Variants in PCDH15 observed in about 807,000 individuals in gnomAD.
The protein encoded by PCDH15 is protocadherin-15.
PCDH15 carries 129 observed loss-of-function variants against 178.5 expected under a neutral mutation model. The observed-to-expected ratio is 0.72, with a 90% CI of 0.63 to 0.84. The LOEUF is 0.84. Among genes scored for constraint, PCDH15 ranks in the 40% least tolerant of loss-of-function variants. PCDH15 has a pLI of 0.00. For synonymous variants in PCDH15, 800 were observed against 732.0 expected, an observed-to-expected ratio of 1.09 and a Z score of -1.50; for missense variants, 2,230 against 2,099.9, an observed-to-expected ratio of 1.06 and a Z score of -1.21.
rs746916667 is a variant in PCDH15, at chr10:53,840,306, C to CA, written c.3983+13dup. ...GTAACCAAAGAGCTGTTACAGATAA[C>CA]AAAAAGCACTTACTTAAAAAGCTCA... is the stretch of plus-strand genomic sequence containing the variant. On this transcript the variant is annotated intron_variant, in intron 29 of 37. Coordinates refer to ENST00000644397, the MANE Select transcript of PCDH15 (RefSeq NM_001384140.1). The CA allele has an allele frequency of 6.2e-7, 1 of 1,612,822 alleles. No individual in the cohort carries two copies. The highest frequency in any genetic ancestry group is 8.5e-7 in the Non-Finnish European group (1 of 1,178,934).
At chr10:55,349,682 G>C (rs561605650) in intron 2 of PCDH15, among the ~76,000 whole-genome samples, 1 of 152,072 alleles carries the variant, frequency 6.6e-6, no homozygotes. Context: ...AAATACGCAG[G>C]TTCAAATGCT....
At chr10:54,155,849 TTCTGAAG>T (rs2045080434) in intron 13 of PCDH15, among the ~76,000 whole-genome samples, 1 of 151,832 alleles carries the variant, frequency 6.6e-6, no homozygotes, top group East Asian at 1.9e-4. Flanking sequence ...AGATGTCCCC[TTCTGAAG>T]TCTATTAGAT....
intron 2 of PCDH15, among the ~76,000 whole-genome samples, chr10:55,596,297 T>C (rs1289314900): frequency 6.6e-6 from 1 of 152,110 alleles, no homozygotes; most frequent in Non-Finnish European, 1.5e-5. Flanking sequence ...GATCCTACTT[T>C]TTTTTCTTTG....
intron 25 of PCDH15, among the ~76,000 whole-genome samples, chr10:53,929,068 A>G (rs534047100): frequency 7.2e-4 from 109 of 152,180 alleles, no homozygotes; most frequent in African/African-American, 2.5e-3. Flanking sequence ...TTTCTCATAT[A>G]TGCAGAAATG....
intron 16 of PCDH15, among the ~76,000 whole-genome samples, chr10:54,080,601 T>C (rs2094422718): frequency 6.6e-6 from 1 of 152,176 alleles, no homozygotes; most frequent in Admixed American, 6.5e-5. Context: ...TCACATATGG[T>C]AGTTGAGTAC....
intron 23 of PCDH15, among the ~76,000 whole-genome samples, chr10:53,952,190 G>A (rs2087132918): frequency 6.6e-6 from 1 of 152,184 alleles, no homozygotes; most frequent in East Asian, 1.9e-4. Context: ...GCATGTTTCA[G>A]CCCTGCTGGT....
chr10:54,235,160 T>C (rs2054496731), intron 9 of PCDH15, among the ~76,000 whole-genome samples: 1 of 152,212 alleles, frequency 6.6e-6, no homozygotes, highest in South Asian at 2.1e-4. Context: ...TGCTTAACAC[T>C]GCAACTTCTA....
At chr10:54,405,446 T>C (rs1306892687) in intron 3 of PCDH15, among the ~76,000 whole-genome samples, 1 of 151,876 alleles carries the variant, frequency 6.6e-6, no homozygotes, top group Non-Finnish European at 1.5e-5. Context: ...GAAAACCAAA[T>C]ACTGTATGTT....
intron 2 of PCDH15, among the ~76,000 whole-genome samples, chr10:55,553,417 T>TA (rs1842035763): frequency 6.6e-6 from 1 of 151,884 alleles, no homozygotes; most frequent in Admixed American, 6.6e-5. Context: ...CTAAAGGCTT[T>TA]AAAATAGTAT....
chr10:54,236,700 C>G, intron 9 of PCDH15, 123 bp downstream of exon 9: 1 of 869,430 alleles, frequency 1.2e-6, no homozygotes, highest in Non-Finnish European at 1.9e-6. Context: ...TGTTTATACA[C>G]AAAAGTAACA....
intron 32 of PCDH15, chr10:53,821,309 G>A: frequency 2.0e-6 from 2 of 986,638 alleles, no homozygotes; most frequent in Non-Finnish European, 2.4e-6. Flanking sequence ...TAGCACCTGA[G>A]ATTTATTTTG....
At chr10:55,173,022 G>A (rs1479564057) in intron 1 of PCDH15, among the ~76,000 whole-genome samples, 1 of 151,846 alleles carries the variant, frequency 6.6e-6, no homozygotes, top group African/African-American at 2.4e-5. Context: ...TGCTTATTTT[G>A]ATTCAGATTT....
chr10:53,964,834 T>C (rs1157995437), intron 21 of PCDH15, among the ~76,000 whole-genome samples: 2 of 152,030 alleles, frequency 1.3e-5, no homozygotes, highest in African/African-American at 2.4e-5. Context: ...TGGCAAACCT[T>C]GTATATGATT....
chr10:54,384,922 G>A (rs957768420), intron 3 of PCDH15, among the ~76,000 whole-genome samples: 14 of 152,080 alleles, frequency 9.2e-5, no homozygotes, highest in African/African-American at 3.4e-4. Context: ...TTGACTGTAG[G>A]ACAACAAACA....
At chr10:54,198,419 T>C (rs2049887360) in intron 10 of PCDH15, among the ~76,000 whole-genome samples, 1 of 151,794 alleles carries the variant, frequency 6.6e-6, no homozygotes, top group Non-Finnish European at 1.5e-5. Flanking sequence ...GAGCAGTTCA[T>C]ACATGCAAGG....
At chr10:55,123,182 T>C (rs1837815493) in intron 2 of PCDH15, among the ~76,000 whole-genome samples, 1 of 140,024 alleles carries the variant, frequency 7.1e-6, no homozygotes, top group African/African-American at 2.9e-5. Flanking sequence ...TCCTGTCTTA[T>C]ATTCTGTGTT....
chr10:54,401,337 A>G (rs1303966128), intron 3 of PCDH15, among the ~76,000 whole-genome samples: 1 of 151,922 alleles, frequency 6.6e-6, no homozygotes, highest in Non-Finnish European at 1.5e-5. Context: ...ATTTAGGGCA[A>G]GCAAAGTTAT....
chr10:54,146,895 C>CATATATACATAGTGTATATATATAGTGT (rs2043964655), intron 14 of PCDH15, among the ~76,000 whole-genome samples: 1 of 43,656 alleles, frequency 2.3e-5, no homozygotes, highest in Non-Finnish European at 4.3e-5. Context: ...TGTGTGTATA[C>CATATATACATAGTGTATATATATAGTGT]ATATATATAT....
chr10:55,101,795 C>T (rs1842583172), intron 2 of PCDH15, among the ~76,000 whole-genome samples: 2 of 151,490 alleles, frequency 1.3e-5, no homozygotes, highest in South Asian at 4.2e-4. Flanking sequence ...GTTTCTTCCA[C>T]TGACTACCAG....
Sources: gnomAD v4.1 joint callset for allele counts (sites outside exome capture counted in the v4.1 genomes callset) on GRCh38, gnomAD v4.1.1 for gene constraint, MANE v1.5 for transcripts, NCBI Gene and HGNC (gene_info 2026-07-23, HGNC 2026-07-21) for gene names.